The following WWOX variants were observed in gnomAD, a reference collection of about 807,000 sequenced individuals.
WWOX encodes WW domain-containing oxidoreductase.
WWOX carries 69 observed loss-of-function variants against 46.2 expected under a neutral mutation model. The observed-to-expected ratio is 1.49, with a 90% CI of 1.23 to 1.82. The LOEUF (loss-of-function observed/expected upper bound fraction) is 1.82, where lower values mean the gene tolerates loss of function less well. Among genes scored for constraint, WWOX ranks in the 40% most tolerant of loss-of-function variants. The pLI is 0.00. For missense variants in WWOX, 919 were observed against 542.6 expected, an observed-to-expected ratio of 1.69 and a Z score of -6.89; for synonymous variants, 359 against 202.6, an observed-to-expected ratio of 1.77 and a Z score of -6.56.
chr16:78,449,503 T>C (rs74730917), intron 8 of WWOX, among the ~76,000 whole-genome samples: 1,980 of 152,290 alleles, frequency 0.013, 41 homozygotes, highest in African/African-American at 0.045. Flanking sequence ...TTGTGGTAGA[T>C]TTACTCACAG....
chr16:78,658,294 A>G (rs72794729), intron 8 of WWOX, among the ~76,000 whole-genome samples: 1 of 152,202 alleles, frequency 6.6e-6, no homozygotes, highest in Non-Finnish European at 1.5e-5. Context: ...GAAAGTATTA[A>G]TAAGACCCAA....
chr16:78,892,388 C>T (rs1597115101), intron 8 of WWOX: 2 of 152,148 alleles, frequency 1.3e-5, no homozygotes, highest in African/African-American at 2.4e-5. Flanking sequence ...GAGATGCCTT[C>T]GAGAAATTAA....
At chr16:78,853,120 T>A (rs2052488018) in intron 8 of WWOX, among the ~76,000 whole-genome samples, 1 of 152,254 alleles carries the variant, frequency 6.6e-6, no homozygotes, top group African/African-American at 2.4e-5. Flanking sequence ...ATTTGTTGCA[T>A]AACAATATGT....
At position 78,483,894 on chromosome 16, in the gene WWOX, A is replaced by G. The variant is rs146106249; in HGVS notation, c.1056+51142A>G. On this transcript the variant is annotated intron_variant, in intron 8 of 8. Transcript: ENST00000566780. ...TGCTCACAAAAACATCTTGTGGTCA[A>G]CAGTGGGGCTTAGGGGGCAGGTTTT... is the stretch of plus-strand genomic sequence containing the variant. Among the ~76,000 whole-genome samples, 1,088 of 152,298 alleles carry G rather than the reference A, an allele frequency of 7.1e-3. 13 individuals carry two copies. Among genetic ancestry groups the G allele is most frequent in the African/African-American group, 0.022 (911 of 41,558 alleles).
intron 8 of WWOX, among the ~76,000 whole-genome samples, chr16:78,857,125 G>C (rs539951260): frequency 5.3e-5 from 8 of 152,338 alleles, no homozygotes; most frequent in African/African-American, 1.9e-4. Flanking sequence ...TGCAGTGTGT[G>C]ATAGTGCTTA....
chr16:78,833,388 T>G (rs2051885818), intron 8 of WWOX, among the ~76,000 whole-genome samples: 1 of 151,990 alleles, frequency 6.6e-6, no homozygotes. Flanking sequence ...TTCTCTAATG[T>G]GGCTGTTCTC....
rs776138379 is a variant in WWOX at position 79,042,232 on chromosome 16, C to T, written c.1057-169376C>T. 3.3e-5 allele frequency among the ~76,000 whole-genome samples: 5 copies of T among 152,294 alleles called. No individual in the cohort carries two copies. The East Asian group carries it at 7.7e-4, about 24-fold the overall frequency. On this transcript the variant is annotated intron_variant, in intron 8 of 8. Transcript: ENST00000566780. Reference sequence around the variant, plus strand: ...CTCTGTCCATGAACTCCAAAGCCCACGCTCTCTTACACCCTCCCAAAAGCT... The same window carrying T: ...CTCTGTCCATGAACTCCAAAGCCCATGCTCTCTTACACCCTCCCAAAAGCT...
intron 6 of WWOX, among the ~76,000 whole-genome samples, chr16:78,420,458 A>G (rs1198152517): frequency 6.6e-6 from 1 of 152,182 alleles, no homozygotes; most frequent in East Asian, 1.9e-4. Context: ...GATTACTGAT[A>G]TATGCTACAA....
At chr16:78,412,286 G>T (rs140226891) in intron 6 of WWOX, among the ~76,000 whole-genome samples, 1,698 of 152,294 alleles carry the variant, frequency 0.011, 41 homozygotes, top group African/African-American at 0.038. Context: ...TCAGGACGGG[G>T]AGGAGATGTG....
Position 79,053,601 on chromosome 16 carries a change from A to G in WWOX, c.1057-158007A>G, listed in dbSNP as rs140110746. Reference sequence around the variant, plus strand: ...AGCAACTTGGAAGATATGAATATTAATCTAATTATATTCCGATCACTTTAA... The same window carrying G: ...AGCAACTTGGAAGATATGAATATTAGTCTAATTATATTCCGATCACTTTAA... On this transcript the variant is annotated intron_variant, in intron 8 of 8. Coordinates refer to ENST00000566780, the MANE Select transcript of WWOX (RefSeq NM_016373.4). Among the ~76,000 whole-genome samples the G allele has an allele frequency of 3.9e-5, 6 of 152,342 alleles. No homozygotes were observed. The East Asian group carries it at 1.2e-3, about 29-fold the overall frequency.
At chr16:78,567,917 T>A (rs2044613464) in intron 8 of WWOX, among the ~76,000 whole-genome samples, 1 of 152,152 alleles carries the variant, frequency 6.6e-6, no homozygotes, top group South Asian at 2.1e-4. Flanking sequence ...TGCCCTTGTT[T>A]TCCAGTGGCT....
chr16:78,930,728 A>T (rs751550330), intron 8 of WWOX, among the ~76,000 whole-genome samples: 5 of 152,104 alleles, frequency 3.3e-5, no homozygotes, highest in Non-Finnish European at 7.3e-5. Context: ...GAGTGAGTAA[A>T]GTTGAGCAGA....
At chr16:78,305,491 G>C (rs2080117755) in intron 5 of WWOX, among the ~76,000 whole-genome samples, 1 of 152,064 alleles carries the variant, frequency 6.6e-6, no homozygotes, top group South Asian at 2.1e-4. Context: ...AGGGATATTT[G>C]GAATCTTTCC....
At chr16:78,427,662 C>G (rs955875264) in intron 7 of WWOX, among the ~76,000 whole-genome samples, 13 of 152,084 alleles carry the variant, frequency 8.5e-5, no homozygotes, top group Non-Finnish European at 1.8e-4. Context: ...GCCTGTAATC[C>G]TATCTAGTAA....
chr16:78,641,781 C>T (rs989659327), intron 8 of WWOX, among the ~76,000 whole-genome samples: 4 of 152,198 alleles, frequency 2.6e-5, no homozygotes, highest in African/African-American at 9.6e-5. Flanking sequence ...CTCCCCTCCA[C>T]TCGCCTGGGT....
chr16:78,457,120 G>A (rs944451437), intron 8 of WWOX, among the ~76,000 whole-genome samples: 9 of 152,188 alleles, frequency 5.9e-5, no homozygotes, highest in Admixed American at 2.0e-4. Context: ...AGACAGAATG[G>A]TAACATTCTC....
At chr16:78,984,347 A>G (rs747248703) in intron 8 of WWOX, among the ~76,000 whole-genome samples, 1 of 152,196 alleles carries the variant, frequency 6.6e-6, no homozygotes, top group Non-Finnish European at 1.5e-5. Context: ...TAGGTCAAGA[A>G]TCAGCAAATG....
chr16:78,955,947 C>G (rs1370689024), intron 8 of WWOX, among the ~76,000 whole-genome samples: 5 of 151,576 alleles, frequency 3.3e-5, no homozygotes, highest in African/African-American at 9.7e-5. Context: ...CATGCCTGGC[C>G]TCTGGCCTTC....
At chr16:78,351,643 C>A (rs1048556637) in intron 5 of WWOX, among the ~76,000 whole-genome samples, 5 of 152,072 alleles carry the variant, frequency 3.3e-5, no homozygotes, top group Non-Finnish European at 5.9e-5. Context: ...ATCAGCCCTG[C>A]GTGGCTATGC....
Sources: allele counts gnomAD v4.1 joint callset (sites outside exome capture counted in the v4.1 genomes callset), GRCh38; gene constraint gnomAD v4.1.1; transcripts MANE v1.5; gene names NCBI Gene and HGNC (gene_info 2026-07-23, HGNC 2026-07-21).